The following FGF12 variants were observed in gnomAD, a reference collection of about 807,000 sequenced individuals.
The protein encoded by FGF12 is fibroblast growth factor 12, also known as fibroblast growth factor 12B.
In FGF12, 14 loss-of-function variants were observed where a neutral mutation model predicts 23.6. The observed-to-expected ratio is 0.59, with a 90% confidence interval of 0.39 to 0.93. The LOEUF (loss-of-function observed/expected upper bound fraction) is 0.93. Among genes scored for constraint, FGF12 ranks in the 40% least tolerant of loss-of-function variants. The pLI is 0.00. For missense variants in FGF12, 175 were observed against 217.8 expected (o/e 0.80, Z 1.24); for synonymous variants, 62 against 77.3 (o/e 0.80, Z 1.04).
Position 192,144,100 on chromosome 3 carries a change from T to G in FGF12, c.455A>C (p.His152Pro). The G allele has an allele frequency of 6.2e-7, 1 of 1,613,480 alleles. No individual in the cohort carries two copies. Among genetic ancestry groups the G allele is most frequent in the Non-Finnish European group, 8.5e-7 (1 of 1,179,418 alleles). The change falls in exon 6 of 6, where the codon CAT becomes CCT. Residue 152 changes from histidine (H) to proline (P), a missense_variant. Coordinates refer to ENST00000445105, the MANE Select transcript of FGF12 (RefSeq NM_004113.6). Reference protein sequence around the residue: ...EVCMYREPSLHEIGEKQGRSR... With the variant: ...EVCMYREPSLPEIGEKQGRSR... ...ACGCCCTTGTTTTTCTCCAATTTCA[T>G]GTAGCGATGGTTCTCTGTACATACA...
intron 2 of FGF12, among the ~76,000 whole-genome samples, chr3:192,492,182 C>T (rs1723820658): frequency 6.6e-6 from 1 of 152,114 alleles, no homozygotes; most frequent in Admixed American, 6.6e-5. Flanking sequence ...TTGTAAACAC[C>T]TGATCAATAC....
chr3:192,703,559 G>T (rs1718372014), intron 2 of FGF12, among the ~76,000 whole-genome samples: 1 of 152,136 alleles, frequency 6.6e-6, no homozygotes, highest in Non-Finnish European at 1.5e-5. Context: ...TTTCACAAAA[G>T]TTTTTTATAG....
chr3:192,605,495 G>A lies in FGF12; in HGVS notation c.13+121686C>T, dbSNP rs535716213. Reference sequence around the variant, plus strand: ...TCAAAAGCAAGTGGAATTGACAAGCGGAACCTAATGAAACTTAAGAGCTTC... The same window carrying A: ...TCAAAAGCAAGTGGAATTGACAAGCAGAACCTAATGAAACTTAAGAGCTTC... On this transcript the variant is annotated intron_variant, in intron 2 of 5. Transcript: ENST00000445105. Among the ~76,000 whole-genome samples the A allele has an allele frequency of 2.8e-4, 43 of 152,056 alleles. 1 individual carries two copies. Among genetic ancestry groups the A allele is most frequent in the South Asian group, 2.3e-3 (11 of 4,810 alleles).
At chr3:192,212,119 G>A (rs929489528) in intron 4 of FGF12, among the ~76,000 whole-genome samples, 2 of 152,166 alleles carry the variant, frequency 1.3e-5, no homozygotes, top group African/African-American at 2.4e-5. Context: ...GACGTGCACA[G>A]CAGGGCCTAC....
chr3:192,688,136 A>G (rs953004974), intron 2 of FGF12, among the ~76,000 whole-genome samples: 1 of 152,028 alleles, frequency 6.6e-6, no homozygotes, highest in Non-Finnish European at 1.5e-5. Flanking sequence ...CACCAAACTC[A>G]GAGACACTAC....
At chr3:192,292,737 C>T (rs557960420) in intron 4 of FGF12, among the ~76,000 whole-genome samples, 3 of 152,102 alleles carry the variant, frequency 2.0e-5, no homozygotes, top group African/African-American at 4.8e-5. Context: ...ACAAACAACA[C>T]ACTTCAATAC....
intron 2 of FGF12, among the ~76,000 whole-genome samples, chr3:192,551,986 G>GAT (rs1560147933): frequency 6.6e-6 from 1 of 151,888 alleles, no homozygotes; most frequent in Non-Finnish European, 1.5e-5. Flanking sequence ...TTTATATAGA[G>GAT]ATATATATGT....
chr3:192,413,204 T>G lies in FGF12; in HGVS notation c.14-52666A>C, dbSNP rs573410397. On this transcript the variant is annotated intron_variant, in intron 2 of 5. Transcript: ENST00000445105. Reference sequence around the variant, plus strand: ...GTCTTTCAACTTCCAAATCTACTATTAGGGCTAGTTTACACATTCATTTTA... The same window carrying G: ...GTCTTTCAACTTCCAAATCTACTATGAGGGCTAGTTTACACATTCATTTTA... Among the ~76,000 whole-genome samples, 8 of 152,314 alleles carry G rather than the reference T, an allele frequency of 5.3e-5. No homozygotes were observed. The South Asian group carries it at 1.7e-3, about 32-fold the overall frequency.
chr3:192,226,879 A>G (rs996064472), intron 4 of FGF12, among the ~76,000 whole-genome samples: 2 of 152,220 alleles, frequency 1.3e-5, no homozygotes, highest in South Asian at 4.1e-4. Context: ...ATACTTCAAA[A>G]CATCATGTTG....
At chr3:192,645,767 TA>T (rs55809400) in intron 2 of FGF12, among the ~76,000 whole-genome samples, 3,696 of 70,780 alleles carry the variant, frequency 0.052, 41 homozygotes, top group Middle Eastern at 0.12. Flanking sequence ...ACAAAACAGG[TA>T]AAAAAAAAAA....
intron 4 of FGF12, among the ~76,000 whole-genome samples, chr3:192,303,962 G>A (rs1036418888): frequency 6.6e-6 from 1 of 152,126 alleles, no homozygotes; most frequent in African/African-American, 2.4e-5. Context: ...TCCCATCTGG[G>A]TAATCTCCAG....
intron 2 of FGF12, among the ~76,000 whole-genome samples, chr3:192,636,744 C>G (rs1292779092): frequency 1.3e-5 from 2 of 152,196 alleles, no homozygotes; most frequent in African/African-American, 4.8e-5. Context: ...GGACTTCTCC[C>G]TGATGACTCA....
At position 192,200,494 on chromosome 3, in the gene FGF12, A is replaced by G. The variant is rs556215930; in HGVS notation, c.229-29838T>C. Among the ~76,000 whole-genome samples the G allele has an allele frequency of 8.6e-5, 13 of 150,668 alleles. No homozygotes were observed. In the South Asian group the frequency reaches 2.7e-3, roughly 31 times the overall value. On this transcript the variant is annotated intron_variant, in intron 4 of 5. Coordinates refer to ENST00000445105, the MANE Select transcript of FGF12 (RefSeq NM_004113.6). Reference sequence around the variant, plus strand: ...CACTAGATCCAAGAGATAACATGTAATACATTAAGAAAGAAACTTTCACGT... The same window carrying G: ...CACTAGATCCAAGAGATAACATGTAGTACATTAAGAAAGAAACTTTCACGT...
chr3:192,659,821 T>A (rs1364632332), intron 2 of FGF12, among the ~76,000 whole-genome samples: 1 of 152,204 alleles, frequency 6.6e-6, no homozygotes, highest in Non-Finnish European at 1.5e-5. Flanking sequence ...GTTTCCTGAC[T>A]TTTTAATGAT....
chr3:192,214,568 G>T (rs1456949252), intron 4 of FGF12, among the ~76,000 whole-genome samples: 1 of 152,136 alleles, frequency 6.6e-6, no homozygotes, highest in Non-Finnish European at 1.5e-5. Context: ...CTACAAACTG[G>T]CTTCCAGATC....
At chr3:192,568,388 C>T (rs1372750077) in intron 2 of FGF12, among the ~76,000 whole-genome samples, 11 of 152,066 alleles carry the variant, frequency 7.2e-5, no homozygotes, top group African/African-American at 2.2e-4. Context: ...CCTACCCTTC[C>T]GTGTGTTTAG....
At chr3:192,277,883 C>T (rs1439388885) in intron 4 of FGF12, among the ~76,000 whole-genome samples, 1 of 152,226 alleles carries the variant, frequency 6.6e-6, no homozygotes, top group African/African-American at 2.4e-5. Flanking sequence ...CTGCCTCAGC[C>T]TCCCAAGTAG....
At chr3:192,522,024 C>G (rs1326231591) in intron 2 of FGF12, among the ~76,000 whole-genome samples, 3 of 151,986 alleles carry the variant, frequency 2.0e-5, no homozygotes. Context: ...CAGTGAAACC[C>G]CATCTCTACT....
chr3:192,253,202 A>C (rs745934876), intron 4 of FGF12, among the ~76,000 whole-genome samples: 107 of 152,136 alleles, frequency 7.0e-4, no homozygotes, highest in Non-Finnish European at 1.2e-3. Flanking sequence ...ACTTTACAAA[A>C]GTGCTCAGTC....
Sources: allele counts gnomAD v4.1 joint callset (sites outside exome capture counted in the v4.1 genomes callset), GRCh38; gene constraint gnomAD v4.1.1; transcripts MANE v1.5; gene names NCBI Gene and HGNC (gene_info 2026-07-23, HGNC 2026-07-21).